APP: variants seen among roughly 807,000 people sequenced by gnomAD.
The protein encoded by APP is amyloid beta precursor protein, also known as amyloid-beta precursor protein.
APP carries 31 observed loss-of-function variants against 101.4 expected under a neutral mutation model. The observed-to-expected ratio is 0.31, with a 90% CI of 0.23 to 0.41. APP has a LOEUF of 0.41. Ranked by LOEUF, APP falls within the 10% of genes least tolerant of loss-of-function variation. The pLI is 1.00. For synonymous variants in APP, 366 were observed against 364.4 expected, an observed-to-expected ratio of 1.00 and a Z score of -0.05; for missense variants, 839 against 1,003.7, an observed-to-expected ratio of 0.84 and a Z score of 2.22.
chr21:25,950,077 T>C lies in APP; in HGVS notation c.1687+4513A>G, dbSNP rs940295627. Among the ~76,000 whole-genome samples the C allele has an allele frequency of 2.0e-5, 3 of 152,340 alleles. No individual in the cohort carries two copies. In the East Asian group the frequency reaches 5.8e-4, roughly 29 times the overall value. On this transcript the variant is annotated intron_variant, in intron 13 of 17. Transcript: ENST00000346798. ...GCACAATGCCAGAGGGCTTGGCTCC[T>C]TGAGTGGGATGTAGAATAAAATTAT...
intron 13 of APP, chr21:25,933,896 AAAGTC>A (rs1360841435): frequency 1.3e-5 from 2 of 152,194 alleles, no homozygotes; most frequent in African/African-American, 4.8e-5. Context: ...CACATTCTTA[AAAGTC>A]AAGGAAAATA....
At chr21:25,925,596 A>G (rs542610384) in intron 13 of APP, among the ~76,000 whole-genome samples, 1 of 152,310 alleles carries the variant, frequency 6.6e-6, no homozygotes, top group African/African-American at 2.4e-5. Context: ...AGCTGTACCA[A>G]GACACCACCA....
At chr21:26,106,142 CATCCCTGGT>C (rs956938339) in intron 2 of APP, among the ~76,000 whole-genome samples, 1 of 152,214 alleles carries the variant, frequency 6.6e-6, no homozygotes, top group Non-Finnish European at 1.5e-5. Context: ...TGGCTACCAA[CATCCCTGGT>C]CTCCTTGAGG....
At chr21:26,066,744 C>A (rs982667014) in intron 3 of APP, among the ~76,000 whole-genome samples, 3 of 152,134 alleles carry the variant, frequency 2.0e-5, no homozygotes, top group African/African-American at 7.2e-5. Flanking sequence ...CCTTTTCACA[C>A]ATCCCTAAGA....
At chr21:26,099,293 T>C (rs1471590510) in intron 2 of APP, among the ~76,000 whole-genome samples, 1 of 152,200 alleles carries the variant, frequency 6.6e-6, no homozygotes, top group African/African-American at 2.4e-5. Flanking sequence ...CTATCTTGTA[T>C]ATTTTCATCG....
At chr21:26,132,214 C>T (rs1042580834) in intron 1 of APP, among the ~76,000 whole-genome samples, 10 of 152,040 alleles carry the variant, frequency 6.6e-5, no homozygotes, top group African/African-American at 2.4e-4. Flanking sequence ...CATAGGGAGA[C>T]CCTATCTCTT....
At chr21:26,101,839 A>G (rs1243289263) in intron 2 of APP, among the ~76,000 whole-genome samples, 1 of 152,146 alleles carries the variant, frequency 6.6e-6, no homozygotes, top group Non-Finnish European at 1.5e-5. Context: ...CTACCTTTGC[A>G]ATTTTCTAAA....
intron 13 of APP, among the ~76,000 whole-genome samples, chr21:25,927,331 C>T (rs1203496076): frequency 1.4e-4 from 3 of 21,668 alleles, no homozygotes; most frequent in East Asian, 2.9e-3. Flanking sequence ...ACGATGGCTA[C>T]GTGAATGGCC....
intron 5 of APP, among the ~76,000 whole-genome samples, chr21:26,032,339 T>C (rs1376192919): frequency 6.6e-6 from 1 of 152,216 alleles, no homozygotes; most frequent in Admixed American, 6.5e-5. Context: ...TGTGAATTCT[T>C]TTCCTTTCTC....
chr21:25,998,263 G>T (rs2043133375), intron 7 of APP, among the ~76,000 whole-genome samples: 1 of 152,068 alleles, frequency 6.6e-6, no homozygotes, highest in Non-Finnish European at 1.5e-5. Context: ...AAAGGCCTTT[G>T]TTCCAAAGGC....
At chr21:26,098,665 A>C (rs2061997196) in intron 2 of APP, among the ~76,000 whole-genome samples, 2 of 152,256 alleles carry the variant, frequency 1.3e-5, no homozygotes, top group African/African-American at 4.8e-5. Flanking sequence ...AAAGTTAATG[A>C]ACAGAGTAAA....
chr21:26,147,778 G>C (rs558241810), intron 1 of APP, among the ~76,000 whole-genome samples: 12 of 151,726 alleles, frequency 7.9e-5, no homozygotes, highest in Non-Finnish European at 1.8e-4. Context: ...CACCTGATAG[G>C]GCCTTACACA....
At chr21:25,987,337 C>A (rs4816271) in intron 8 of APP, among the ~76,000 whole-genome samples, 152,320 of 152,320 alleles carry the variant, frequency 1, 76,160 homozygotes, top group Non-Finnish European at 1. Flanking sequence ...TCCACAAAAA[C>A]CTAGACTTAA....
chr21:26,006,835 G>A (rs1336706645), intron 6 of APP, among the ~76,000 whole-genome samples: 9 of 152,110 alleles, frequency 5.9e-5, no homozygotes, highest in Non-Finnish European at 1.2e-4. Flanking sequence ...ATAATTCGCT[G>A]TAAATAAAGT....
chr21:25,887,703 G>A (rs562590982), intron 17 of APP, among the ~76,000 whole-genome samples: 32 of 152,016 alleles, frequency 2.1e-4, no homozygotes, highest in African/African-American at 6.5e-4. Flanking sequence ...GTTTAGATAC[G>A]CAAATCCCTG....
At chr21:26,167,795 C>T (rs147054581) in intron 1 of APP, among the ~76,000 whole-genome samples, 1,970 of 152,274 alleles carry the variant, frequency 0.013, 63 homozygotes, top group Admixed American at 0.066. Context: ...CTCCGCAGTA[C>T]TAATAGCCTT....
At chr21:26,124,051 T>C (rs986893188) in intron 1 of APP, among the ~76,000 whole-genome samples, 5 of 152,120 alleles carry the variant, frequency 3.3e-5, no homozygotes, top group African/African-American at 1.2e-4. Flanking sequence ...TATTCCCTAC[T>C]CTTTAGCACT....
rs2045912264 is a variant in APP, at chr21:26,053,322, G to C, written c.382C>G (p.Leu128Val). ...LVGEFVSDALLVPDKCKFLHQ... is the reference protein window; with the variant it reads ...LVGEFVSDALVVPDKCKFLHQ... ...AAGAATTTGCACTTGTCAGGAACGA[G>C]AAGGGCATCACTTACAAACTCACCA... Residue 128 changes from leucine (L) to valine (V), a missense_variant, in exon 4 of 18, where the codon CTC (leucine) becomes GTC (valine). Coordinates refer to ENST00000346798, the MANE Select transcript of APP (RefSeq NM_000484.4). The C allele has an allele frequency of 6.2e-7, 1 of 1,613,250 alleles. No homozygotes were observed. The highest frequency in any genetic ancestry group is 1.7e-5 in the Admixed American group (1 of 60,008).
intron 5 of APP, among the ~76,000 whole-genome samples, chr21:26,044,091 T>C (rs1038778429): frequency 6.6e-6 from 1 of 152,182 alleles, no homozygotes; most frequent in Non-Finnish European, 1.5e-5. Flanking sequence ...GGTGATGCAA[T>C]AGGGAAATTA....
Sources: gnomAD v4.1 joint callset for allele counts (sites outside exome capture counted in the v4.1 genomes callset) on GRCh38, gnomAD v4.1.1 for gene constraint, MANE v1.5 for transcripts, NCBI Gene and HGNC (gene_info 2026-07-23, HGNC 2026-07-21) for gene names.